PRELID2: variants seen among roughly 807,000 people sequenced by gnomAD.
PRELID2 encodes the protein PRELI domain-containing protein 2.
Under a neutral mutation model 28.4 loss-of-function variants are expected in PRELID2, and 25 were observed. The observed-to-expected ratio is 0.88, with a 90% CI of 0.64 to 1.23. The LOEUF is 1.23. PRELID2 is among the 50% of genes most tolerant of loss of function. PRELID2 has a pLI of 0.00. For missense variants in PRELID2, 201 were observed against 214.4 expected (o/e 0.94, Z 0.39); for synonymous variants, 76 against 71.6 (o/e 1.06, Z -0.31).
intron 1 of PRELID2, among the ~76,000 whole-genome samples, chr5:145,682,921 A>C (rs548499523): frequency 6.6e-6 from 1 of 152,360 alleles, no homozygotes; most frequent in South Asian, 2.1e-4. Context: ...GATTATAAGC[A>C]CAGTGTTACA....
the PRELID2 span, among the ~76,000 whole-genome samples, chr5:145,419,573 G>A: frequency 6.3e-5 from 9 of 142,248 alleles, no homozygotes; most frequent in South Asian, 1.2e-3. Context: ...TTTTTGATGG[G>A]GTTGTTTGTT....
chr5:145,234,411 G>A, the PRELID2 span, among the ~76,000 whole-genome samples: 3 of 152,050 alleles, frequency 2.0e-5, no homozygotes, highest in African/African-American at 7.2e-5. Context: ...CTTAACCAAA[G>A]GTAGAGTAAA....
intron 1 of PRELID2, among the ~76,000 whole-genome samples, chr5:145,738,133 G>A (rs139449867): frequency 1.8e-4 from 28 of 152,274 alleles, no homozygotes; most frequent in African/African-American, 6.5e-4. Flanking sequence ...TGCCTCAGAT[G>A]TCAACAGAGA....
intron 1 of PRELID2, among the ~76,000 whole-genome samples, chr5:145,664,791 A>C (rs1024336682): frequency 6.6e-6 from 1 of 152,076 alleles, no homozygotes; most frequent in Non-Finnish European, 1.5e-5. Flanking sequence ...CTGCCTCTCC[A>C]GCAGTAACTC....
At chr5:145,734,722 T>C (rs200912270) in intron 1 of PRELID2, among the ~76,000 whole-genome samples, 1 of 152,206 alleles carries the variant, frequency 6.6e-6, no homozygotes, top group Non-Finnish European at 1.5e-5. Flanking sequence ...TGCTAATTAT[T>C]TTTACAATGA....
the PRELID2 span, among the ~76,000 whole-genome samples, chr5:145,332,114 A>G: frequency 6.6e-6 from 1 of 152,178 alleles, no homozygotes; most frequent in Non-Finnish European, 1.5e-5. Flanking sequence ...TCTGGCTTGT[A>G]GGGTTTCTGC....
the PRELID2 span, among the ~76,000 whole-genome samples, chr5:145,431,122 A>G: frequency 6.6e-6 from 1 of 150,930 alleles, no homozygotes; most frequent in East Asian, 1.9e-4. Context: ...TTCTTAAAAC[A>G]AAATACGGTG....
chr5:145,233,451 T>C, the PRELID2 span, among the ~76,000 whole-genome samples: 1 of 152,148 alleles, frequency 6.6e-6, no homozygotes, highest in Admixed American at 6.6e-5. Flanking sequence ...CTATTGATAC[T>C]GCCATGCTGT....
chr5:145,697,507 C>A (rs77400916), intron 1 of PRELID2, among the ~76,000 whole-genome samples: 7,032 of 152,154 alleles, frequency 0.046, 578 homozygotes, highest in African/African-American at 0.16. Flanking sequence ...GTTCAGTTGC[C>A]ACAAGCCAAC....
At chr5:145,290,192 C>T in the PRELID2 span, among the ~76,000 whole-genome samples, 1 of 152,062 alleles carries the variant, frequency 6.6e-6, no homozygotes, top group Admixed American at 6.5e-5. Flanking sequence ...GACAGTGTGG[C>T]GATTCCTCAA....
At chr5:145,609,201 G>A (rs752660679) in intron 1 of PRELID2, among the ~76,000 whole-genome samples, 6 of 152,144 alleles carry the variant, frequency 3.9e-5, no homozygotes, top group South Asian at 4.2e-4. Flanking sequence ...TTTGGGTTTC[G>A]ACTTTCTCCC....
chr5:145,288,200 C>T, the PRELID2 span, among the ~76,000 whole-genome samples: 1 of 152,114 alleles, frequency 6.6e-6, no homozygotes, highest in Non-Finnish European at 1.5e-5. Context: ...AAGAAGCATA[C>T]ACTTTAAGAG....
chr5:145,825,596 T>G (rs1755142434), intron 1 of PRELID2, among the ~76,000 whole-genome samples: 1 of 152,160 alleles, frequency 6.6e-6, no homozygotes, highest in African/African-American at 2.4e-5. Flanking sequence ...ACGTTGAAAA[T>G]GTAAACACCA....
At chr5:145,663,106 T>G (rs189833652) in intron 1 of PRELID2, among the ~76,000 whole-genome samples, 1 of 152,256 alleles carries the variant, frequency 6.6e-6, no homozygotes, top group African/African-American at 2.4e-5. Flanking sequence ...TCTATAGATA[T>G]GGGACATGCT....
chr5:145,834,457 A>T (rs914232263), intron 1 of PRELID2, among the ~76,000 whole-genome samples: 6 of 152,246 alleles, frequency 3.9e-5, no homozygotes, highest in African/African-American at 1.4e-4. Context: ...TAAACAACTT[A>T]GGAAGTGCTT....
the PRELID2 span, among the ~76,000 whole-genome samples, chr5:145,360,943 A>G: frequency 6.6e-6 from 1 of 152,148 alleles, no homozygotes; most frequent in Non-Finnish European, 1.5e-5. Flanking sequence ...ACAGTATCCT[A>G]CTATGTGCTG....
At chr5:145,821,030 T>G (rs948144334) in intron 2 of PRELID2, among the ~76,000 whole-genome samples, 2 of 152,016 alleles carry the variant, frequency 1.3e-5, no homozygotes, top group East Asian at 3.9e-4. Context: ...GATCATCAGT[T>G]TCAGGTATTT....
At chr5:145,814,591 G>A (rs575690973) in intron 4 of PRELID2, among the ~76,000 whole-genome samples, 1 of 152,184 alleles carries the variant, frequency 6.6e-6, no homozygotes, top group South Asian at 2.1e-4. Flanking sequence ...TCTGGACAAG[G>A]GTTTGGGCTT....
chr5:145,707,721 C>CA (rs1005244508), intron 1 of PRELID2, among the ~76,000 whole-genome samples: 1 of 151,898 alleles, frequency 6.6e-6, no homozygotes, highest in African/African-American at 2.4e-5. Context: ...AAAGACAGAC[C>CA]AAAAAAATTA....
Sources: allele counts gnomAD v4.1 joint callset (sites outside exome capture counted in the v4.1 genomes callset), GRCh38; gene constraint gnomAD v4.1.1; transcripts MANE v1.5; gene names NCBI Gene and HGNC (gene_info 2026-07-23, HGNC 2026-07-21).